The following TUT4 variants were observed in gnomAD, a reference collection of about 807,000 sequenced individuals.
TUT4 encodes terminal uridylyltransferase 4.
A neutral mutation model predicts 192.2 loss-of-function variants in TUT4; 36 were observed. The observed-to-expected ratio is 0.19, with a 90% CI of 0.14 to 0.25. TUT4 has a LOEUF of 0.25. Among genes scored for constraint, TUT4 ranks in the 10% least tolerant of loss-of-function variants. The pLI, the probability that TUT4 is intolerant of heterozygous loss-of-function variation, is 1.00. For synonymous variants in TUT4, 618 were observed against 666.0 expected (o/e 0.93, Z 1.11); for missense variants, 1,493 against 1,957.2 (o/e 0.76, Z 4.47).
chr1:52,438,162 T>C, intron 25 of TUT4, 58 bp downstream of exon 25: 1 of 1,302,570 alleles, frequency 7.7e-7, no homozygotes, highest in Non-Finnish European at 1.1e-6. Flanking sequence ...TAATTATAGC[T>C]ACAAATTGGC....
rs540016246 is a variant in TUT4 at position 52,456,488 on chromosome 1, TAAAAAAAA to T, written c.3435+1840_3435+1847del. On this transcript the variant is annotated intron_variant, in intron 20 of 29. Coordinates refer to ENST00000257177, the MANE Select transcript of TUT4 (RefSeq NM_001009881.3). Reference sequence around the variant, plus strand: ...CAAAAAAGTCTGAACATTTAAAAATTAAAAAAAAAAAAGAAAGAAAAAGAAAAAGAAAT... The same window carrying T: ...CAAAAAAGTCTGAACATTTAAAAATTAAAAGAAAGAAAAAGAAAAAGAAAT... Among the ~76,000 whole-genome samples, 9 of 98,374 alleles carry T rather than the reference TAAAAAAAA, an allele frequency of 9.1e-5. No homozygotes were observed. In the East Asian group the frequency reaches 2.5e-3, roughly 28 times the overall value. The allele number at this position is 98,374 out of a possible 152,430, so 64.5% of individuals were successfully genotyped here.
At chr1:52,492,590 A>T (rs765149318) in intron 7 of TUT4, among the ~76,000 whole-genome samples, 8 of 152,242 alleles carry the variant, frequency 5.3e-5, no homozygotes, top group Non-Finnish European at 8.8e-5. Flanking sequence ...GTCAAAGGAC[A>T]CACAACCAGT....
intron 27 of TUT4, chr1:52,434,179 G>A (rs1489417624): frequency 3.9e-5 from 6 of 152,196 alleles, no homozygotes; most frequent in Admixed American, 2.0e-4. Context: ...TGTTTGAGGT[G>A]AGGGTGGAAA....
At chr1:52,433,306 G>A (rs1029325851) in intron 27 of TUT4, 1 of 152,144 alleles carries the variant, frequency 6.6e-6, no homozygotes, top group East Asian at 1.9e-4. Flanking sequence ...CCCGACCTCA[G>A]GTGATCCACC....
chr1:52,429,830 C>A (rs889245377), intron 28 of TUT4, among the ~76,000 whole-genome samples: 3 of 152,018 alleles, frequency 2.0e-5, no homozygotes, highest in Non-Finnish European at 2.9e-5. Flanking sequence ...CTGGCCTCAA[C>A]TGATCTGCCC....
intron 20 of TUT4, among the ~76,000 whole-genome samples, chr1:52,455,607 T>TA (rs34934935): frequency 0.18 from 7,473 of 40,504 alleles, 759 homozygotes; most frequent in East Asian, 0.46. Context: ...ACGCTACCTT[T>TA]AAAAAAAAAA....
chr1:52,542,228 G>A (rs1686890072), intron 1 of TUT4, among the ~76,000 whole-genome samples: 1 of 152,186 alleles, frequency 6.6e-6, no homozygotes, highest in African/African-American at 2.4e-5. Flanking sequence ...CGGGTACAGA[G>A]TTTCAGCTTG....
intron 24 of TUT4, among the ~76,000 whole-genome samples, chr1:52,443,586 G>A (rs1040304115): frequency 3.4e-5 from 5 of 149,236 alleles, no homozygotes; most frequent in South Asian, 2.2e-4. Context: ...CAAAAACTCC[G>A]TCTCAAAAAA....
chr1:52,494,567 C>T (rs1012122484), intron 6 of TUT4, among the ~76,000 whole-genome samples: 10 of 152,130 alleles, frequency 6.6e-5, no homozygotes, highest in African/African-American at 1.4e-4. Flanking sequence ...TGGCACACAC[C>T]TGTAATCCCA....
At chr1:52,541,138 G>A (rs1281845433) in intron 1 of TUT4, among the ~76,000 whole-genome samples, 1 of 151,618 alleles carries the variant, frequency 6.6e-6, no homozygotes, top group Non-Finnish European at 1.5e-5. Flanking sequence ...CCCAGGAGGA[G>A]GCAGAGGTTG....
intron 11 of TUT4, among the ~76,000 whole-genome samples, chr1:52,479,047 A>G (rs554143094): frequency 6.6e-6 from 1 of 152,304 alleles, no homozygotes; most frequent in Admixed American, 6.5e-5. Context: ...AAGCAGGAGA[A>G]GGTTACAGTG....
In TUT4 at chr1:52,425,466, G is replaced by A; in HGVS notation, c.4753C>T (p.His1585Tyr). 6.2e-7 allele frequency: 1 copy of A among 1,614,042 alleles called. No homozygotes were observed. The highest frequency in any genetic ancestry group is 8.5e-7 in the Non-Finnish European group (1 of 1,179,954). Residue 1585 changes from histidine to tyrosine, a missense_variant, in exon 29 of 30, where the codon CAT becomes TAT. Coordinates refer to ENST00000257177, the MANE Select transcript of TUT4 (RefSeq NM_001009881.3). ...RGLTPPIPWE[H>Y]APRPHFPLVP... ...AGGGGGAAATGGGGACGCGGTGCATGTTCCCAAGGAATTGGAGGAGTCAGT... is the reference window on the plus strand; with the variant it reads ...AGGGGGAAATGGGGACGCGGTGCATATTCCCAAGGAATTGGAGGAGTCAGT...
intron 1 of TUT4, among the ~76,000 whole-genome samples, chr1:52,550,413 T>G (rs1424501894): frequency 6.6e-6 from 1 of 152,184 alleles, no homozygotes; most frequent in Non-Finnish European, 1.5e-5. Context: ...TATTTGCAAT[T>G]TATTTGAAAA....
At chr1:52,536,244 G>C (rs756997015) in intron 1 of TUT4, among the ~76,000 whole-genome samples, 22 of 152,214 alleles carry the variant, frequency 1.4e-4, no homozygotes, top group Non-Finnish European at 2.9e-4. Flanking sequence ...ATATAAAGGA[G>C]GAGAGAAAGA....
Position 52,431,014 on chromosome 1 carries a change from T to G in TUT4, c.4710A>C (p.Ser1570=). The G allele has an allele frequency of 6.4e-7, 1 of 1,561,580 alleles. No homozygotes were observed. The highest frequency in any genetic ancestry group is 8.7e-7 in the Non-Finnish European group (1 of 1,150,112). ...AAAAAGAAGAAAAGGAAAGGTTACC[T>G]GAATTCCCCACTGCACCACTGTTTA... ...SLVNSGAVGN[S]EPGFRGLTPP... Residue 1570 remains serine, a splice_region_variant and synonymous_variant, in exon 28 of 30, where the codon TCA becomes TCC. Coordinates refer to ENST00000257177, the MANE Select transcript of TUT4 (RefSeq NM_001009881.3).
At chr1:52,522,987 C>CTTTTTTTTTTTTTTTTTTTTTTTTTTT (rs748149518) in intron 2 of TUT4, among the ~76,000 whole-genome samples, 3 of 89,566 alleles carry the variant, frequency 3.3e-5, no homozygotes, top group Non-Finnish European at 3.9e-5. Flanking sequence ...CCTTAACTAT[C>CTTTTTTTTTTTTTTTTTTTTTTTTTTT]TTTTTTTTTT....
At chr1:52,463,026 T>C (rs1663058042) in intron 16 of TUT4, 1 of 984,904 alleles carries the variant, frequency 1.0e-6, no homozygotes, top group South Asian at 4.7e-5. Context: ...TATGATAAAA[T>C]TAACAAAGGA....
intron 26 of TUT4, among the ~76,000 whole-genome samples, chr1:52,436,211 C>G (rs1328997487): frequency 6.6e-6 from 1 of 152,114 alleles, no homozygotes; most frequent in African/African-American, 2.4e-5. Flanking sequence ...ATAGGCTGGG[C>G]ACGGTGGCTC....
chr1:52,545,378 C>CAAAAAA (rs1269542752), intron 1 of TUT4, among the ~76,000 whole-genome samples: 1 of 70,752 alleles, frequency 1.4e-5, no homozygotes, highest in Non-Finnish European at 3.1e-5. Context: ...GACTCTGTCT[C>CAAAAAA]AAAAAAAAAA....
Sources: gnomAD v4.1 joint callset for allele counts (sites outside exome capture counted in the v4.1 genomes callset) on GRCh38, gnomAD v4.1.1 for gene constraint, MANE v1.5 for transcripts, NCBI Gene and HGNC (gene_info 2026-07-23, HGNC 2026-07-21) for gene names.